Variants in SIL1 observed in about 807,000 individuals in gnomAD.
SIL1 encodes the protein SIL1 nucleotide exchange factor.
Under a neutral mutation model 49.1 loss-of-function variants are expected in SIL1, and 40 were observed. The ratio of observed to expected loss-of-function variants is 0.81; its 90% CI spans 0.63 to 1.06. The LOEUF (loss-of-function observed/expected upper bound fraction) is 1.06, where lower values mean the gene tolerates loss of function less well. Among genes scored for constraint, SIL1 ranks in the 50% least tolerant of loss-of-function variants. The pLI, the probability that SIL1 is intolerant of heterozygous loss-of-function variation, is 0.00. For missense variants in SIL1, 500 were observed against 572.6 expected (o/e 0.87, Z 1.29); for synonymous variants, 253 against 250.8 (o/e 1.01, Z -0.08).
intron 7 of SIL1, among the ~76,000 whole-genome samples, chr5:138,952,556 A>G (rs1766806387): frequency 6.6e-6 from 1 of 152,276 alleles, no homozygotes; most frequent in South Asian, 2.1e-4. Context: ...CACTCAGCAC[A>G]GAGCCTGCCA....
rs75783145 is a variant in SIL1 at position 139,076,575 on chromosome 5, G to C, written c.245-25529C>G. Among the ~76,000 whole-genome samples, 1,231 of 152,148 alleles carry C rather than the reference G, an allele frequency of 8.1e-3. 12 individuals are homozygous for C. Among genetic ancestry groups the C allele is most frequent in the Non-Finnish European group, 0.013 (883 of 68,010 alleles). On this transcript the variant is annotated intron_variant, in intron 3 of 9. Coordinates refer to ENST00000394817, the MANE Select transcript of SIL1 (RefSeq NM_022464.5). ...TGCCCCATCCTGCAATCAATCTCTG[G>C]GCTACAGTACCTCAGAGTTCCTCCA...
At chr5:139,192,337 C>G (rs1752188920) in intron 1 of SIL1, among the ~76,000 whole-genome samples, 1 of 152,096 alleles carries the variant, frequency 6.6e-6, no homozygotes, top group South Asian at 2.1e-4. Flanking sequence ...ACTGAAGAAG[C>G]AAACTACTTG....
At chr5:138,973,402 A>T (rs1767325449) in intron 7 of SIL1, among the ~76,000 whole-genome samples, 1 of 151,982 alleles carries the variant, frequency 6.6e-6, no homozygotes, top group Non-Finnish European at 1.5e-5. Flanking sequence ...GCAGTATAGA[A>T]GAGTGCAAAA....
chr5:139,116,697 A>C (rs1198018059), intron 3 of SIL1, among the ~76,000 whole-genome samples: 1 of 152,232 alleles, frequency 6.6e-6, no homozygotes, highest in African/African-American at 2.4e-5. Context: ...CCAATGATGC[A>C]AACTCCTAGG....
chr5:139,048,162 A>AT (rs1368535956), intron 4 of SIL1, among the ~76,000 whole-genome samples: 1 of 151,740 alleles, frequency 6.6e-6, no homozygotes, highest in Non-Finnish European at 1.5e-5. Flanking sequence ...TTGCTTATTT[A>AT]TTTTTTCAGA....
chr5:138,972,782 T>C (rs1429865772), intron 7 of SIL1, among the ~76,000 whole-genome samples: 2 of 152,202 alleles, frequency 1.3e-5, no homozygotes, highest in Non-Finnish European at 2.9e-5. Context: ...TACCTCAAAA[T>C]AGTACATGAA....
intron 2 of SIL1, 115 bp downstream of exon 2, chr5:139,127,624 C>T (rs1351633024): frequency 1.7e-5 from 14 of 814,452 alleles, no homozygotes; most frequent in Non-Finnish European, 2.3e-5. Flanking sequence ...CAGCCACACT[C>T]ACATAAGAAA....
intron 7 of SIL1, among the ~76,000 whole-genome samples, chr5:139,010,607 G>A (rs1286895219): frequency 1.3e-5 from 2 of 148,208 alleles, no homozygotes; most frequent in Non-Finnish European, 1.5e-5. Flanking sequence ...TCTACTTTTG[G>A]TCTTTGATGA....
In SIL1 at chr5:139,164,918, C is replaced by T. The variant is rs561239767; in HGVS notation, c.-11+33351G>A. Reference sequence around the variant, plus strand: ...ACTTTCCAATCTGACTCTGGCATAACAAGGAAGAAAATAAAAATATTTTAC... The same window carrying T: ...ACTTTCCAATCTGACTCTGGCATAATAAGGAAGAAAATAAAAATATTTTAC... On this transcript the variant is annotated intron_variant, in intron 1 of 9. Coordinates refer to ENST00000394817, the MANE Select transcript of SIL1 (RefSeq NM_022464.5). 2.6e-5 allele frequency among the ~76,000 whole-genome samples: 4 copies of T among 152,292 alleles called. No individual in the cohort carries two copies. The East Asian group carries it at 7.7e-4, about 29-fold the overall frequency.
intron 1 of SIL1, among the ~76,000 whole-genome samples, chr5:139,173,453 G>A (rs1336767288): frequency 6.6e-6 from 1 of 152,040 alleles, no homozygotes; most frequent in Non-Finnish European, 1.5e-5. Flanking sequence ...AGGAGGCTGA[G>A]GCAAGAGAAT....
intron 7 of SIL1, among the ~76,000 whole-genome samples, chr5:139,005,369 G>C (rs193053209): frequency 9.4e-4 from 141 of 150,358 alleles, no homozygotes; most frequent in African/African-American, 3.4e-3. Context: ...TTATTTAAGC[G>C]TATTATTTTA....
At chr5:139,194,817 G>A (rs538987289) in intron 1 of SIL1, among the ~76,000 whole-genome samples, 4 of 152,208 alleles carry the variant, frequency 2.6e-5, no homozygotes, top group Admixed American at 6.5e-5. Flanking sequence ...GGAAAGGACA[G>A]AAAATGAATG....
rs115143894 is a variant in SIL1, at chr5:138,970,125, G to A, written c.768-18241C>T. ...CCCTGCAAAGCAAGACTGGCAGATTGTATTTATCTTTGCAGAAGCAGAGGC... is the reference window on the plus strand; with the variant it reads ...CCCTGCAAAGCAAGACTGGCAGATTATATTTATCTTTGCAGAAGCAGAGGC... On this transcript the variant is annotated intron_variant, in intron 7 of 9. Coordinates refer to ENST00000394817, the MANE Select transcript of SIL1 (RefSeq NM_022464.5). 4.4e-3 allele frequency among the ~76,000 whole-genome samples: 666 copies of A among 152,368 alleles called. 4 individuals carry two copies. Among genetic ancestry groups the A allele is most frequent in the African/African-American group, 0.015 (644 of 41,580 alleles).
At chr5:139,048,988 G>A (rs1769230551) in intron 4 of SIL1, among the ~76,000 whole-genome samples, 1 of 152,204 alleles carries the variant, frequency 6.6e-6, no homozygotes, top group African/African-American at 2.4e-5. Context: ...ATATGAAGTA[G>A]AATTTTCTAA....
intron 7 of SIL1, among the ~76,000 whole-genome samples, chr5:139,019,022 C>T (rs181281275): frequency 1.5e-4 from 23 of 152,316 alleles, no homozygotes; most frequent in African/African-American, 5.5e-4. Context: ...TCTGGACTGA[C>T]TGAGCAGTAT....
intron 3 of SIL1, 36 bp downstream of exon 3, chr5:139,120,999 A>G: frequency 6.2e-7 from 1 of 1,613,100 alleles, no homozygotes; most frequent in East Asian, 2.2e-5. Context: ...TTTGAATTCA[A>G]AGTGTGTTTT....
At chr5:139,050,291 A>T (rs1324512934) in intron 4 of SIL1, among the ~76,000 whole-genome samples, 1 of 152,182 alleles carries the variant, frequency 6.6e-6, no homozygotes, top group African/African-American at 2.4e-5. Flanking sequence ...CAACCCCTGC[A>T]ACTCCATGCC....
chr5:138,985,788 C>T (rs1476996849), intron 7 of SIL1, among the ~76,000 whole-genome samples: 1 of 152,160 alleles, frequency 6.6e-6, no homozygotes, highest in Non-Finnish European at 1.5e-5. Context: ...ATTTGCATCA[C>T]CTCCCACCCC....
chr5:138,985,012 C>G (rs567657947), intron 7 of SIL1, among the ~76,000 whole-genome samples: 4 of 152,084 alleles, frequency 2.6e-5, no homozygotes, highest in Non-Finnish European at 4.4e-5. Flanking sequence ...CTAGAGGGGC[C>G]GAGGTAATGG....
Sources: allele counts gnomAD v4.1 joint callset (sites outside exome capture counted in the v4.1 genomes callset), GRCh38; gene constraint gnomAD v4.1.1; transcripts MANE v1.5; gene names NCBI Gene and HGNC (gene_info 2026-07-23, HGNC 2026-07-21).